Variants in PAWR observed in about 807,000 individuals in gnomAD.
PAWR encodes pro-apoptotic WT1 regulator, also known as PRKC apoptosis WT1 regulator protein.
In PAWR, 23 loss-of-function variants were observed where a neutral mutation model predicts 32.0. The ratio of observed to expected loss-of-function variants is 0.72; its 90% CI spans 0.52 to 1.02. The LOEUF (loss-of-function observed/expected upper bound fraction) is 1.02, where lower values mean the gene tolerates loss of function less well. PAWR is among the 50% of genes least tolerant of loss of function. The pLI is 0.00. For synonymous variants in PAWR, 226 were observed against 187.1 expected, an observed-to-expected ratio of 1.21 and a Z score of -1.70; for missense variants, 457 against 437.7, an observed-to-expected ratio of 1.04 and a Z score of -0.39.
intron 2 of PAWR, among the ~76,000 whole-genome samples, chr12:79,661,174 G>A (rs141683014): frequency 2.0e-5 from 3 of 151,172 alleles, no homozygotes; most frequent in South Asian, 2.1e-4. Flanking sequence ...GCTTGAACCC[G>A]GGAGGCGGAG....
intron 2 of PAWR, chr12:79,632,152 TACA>T (rs1193192086): frequency 5.7e-5 from 7 of 121,976 alleles, no homozygotes; most frequent in African/African-American, 2.4e-4. Flanking sequence ...AAAAAAAAAA[TACA>T]ACAACAACAA....
chr12:79,610,399 A>G (rs1052176148), intron 4 of PAWR, among the ~76,000 whole-genome samples: 2 of 152,236 alleles, frequency 1.3e-5, no homozygotes, highest in Non-Finnish European at 2.9e-5. Context: ...CAAGCATTAT[A>G]GCAGAATTGA....
At chr12:79,680,327 C>G (rs1878379784) in intron 2 of PAWR, among the ~76,000 whole-genome samples, 1 of 152,202 alleles carries the variant, frequency 6.6e-6, no homozygotes, top group Non-Finnish European at 1.5e-5. Flanking sequence ...TGGTGTAACA[C>G]TCTCACTCCA....
chr12:79,597,883 T>C (rs1873821177), intron 4 of PAWR: 1 of 152,194 alleles, frequency 6.6e-6, no homozygotes, highest in Non-Finnish European at 1.5e-5. Flanking sequence ...GTGATTATGA[T>C]TCGGGGCTTC....
At chr12:79,645,036 CCACACA>C (rs60664351) in intron 2 of PAWR, among the ~76,000 whole-genome samples, 128 of 119,998 alleles carry the variant, frequency 1.1e-3, no homozygotes, top group East Asian at 4.7e-4. Flanking sequence ...TCCACCCCCA[CCACACA>C]CACACACACA....
intron 2 of PAWR, among the ~76,000 whole-genome samples, chr12:79,665,509 G>GT (rs1250714295): frequency 2.6e-5 from 4 of 151,936 alleles, no homozygotes; most frequent in African/African-American, 7.3e-5. Context: ...TAAAAATTCC[G>GT]TAAGTCAATT....
At position 79,628,193 on chromosome 12, in the gene PAWR, G is replaced by A. The variant is rs375274965; in HGVS notation, c.517-6986C>T. Among the ~76,000 whole-genome samples, 12 of 152,242 alleles carry A rather than the reference G, an allele frequency of 7.9e-5. No individual in the cohort carries two copies. The South Asian group carries it at 2.1e-3, about 26-fold the overall frequency. On this transcript the variant is annotated intron_variant, in intron 2 of 6. Transcript: ENST00000328827. Reference sequence around the variant, plus strand: ...CAACTACATGGAAACTGAACAACCTGCTCCTGAATGACTACTGGGTACATA... The same window carrying A: ...CAACTACATGGAAACTGAACAACCTACTCCTGAATGACTACTGGGTACATA...
At chr12:79,673,365 G>A (rs549897407) in intron 2 of PAWR, among the ~76,000 whole-genome samples, 12 of 152,270 alleles carry the variant, frequency 7.9e-5, no homozygotes, top group Non-Finnish European at 1.3e-4. Context: ...CACCGCGCCC[G>A]GCCCTAAATT....
intron 2 of PAWR, among the ~76,000 whole-genome samples, chr12:79,683,535 G>C (rs1878540968): frequency 6.6e-6 from 1 of 151,788 alleles, no homozygotes; most frequent in African/African-American, 2.4e-5. Context: ...GGTAGAGATG[G>C]TCCCCCCAGA....
intron 2 of PAWR, among the ~76,000 whole-genome samples, chr12:79,627,760 A>G (rs1392099686): frequency 2.0e-5 from 3 of 152,206 alleles, no homozygotes; most frequent in Non-Finnish European, 4.4e-5. Flanking sequence ...AGAGCTAACT[A>G]TCCTAAATAT....
intron 4 of PAWR, among the ~76,000 whole-genome samples, chr12:79,603,153 G>T (rs1014331993): frequency 6.6e-6 from 1 of 152,022 alleles, no homozygotes; most frequent in African/African-American, 2.4e-5. Flanking sequence ...GACTTGGGAG[G>T]CTGTGGTAGG....
intron 2 of PAWR, among the ~76,000 whole-genome samples, chr12:79,651,908 C>A (rs1012794799): frequency 6.6e-6 from 1 of 152,138 alleles, no homozygotes; most frequent in Non-Finnish European, 1.5e-5. Flanking sequence ...TAATGGAATA[C>A]TATTCAGCCT....
intron 2 of PAWR, among the ~76,000 whole-genome samples, chr12:79,642,442 G>T (rs1353661700): frequency 2.0e-5 from 3 of 152,180 alleles, no homozygotes; most frequent in African/African-American, 7.2e-5. Flanking sequence ...TTACATCACA[G>T]AATTTTATTT....
rs1165816694 is a variant in PAWR, at chr12:79,690,126, G to C, written c.119C>G (p.Ala40Gly). Residue 40 changes from alanine to glycine, a missense_variant, in exon 2 of 7, where the codon GCC (alanine) becomes GGC (glycine). By Grantham distance (60) the Ala-to-Gly change is moderately conservative. Coordinates refer to ENST00000328827, the MANE Select transcript of PAWR (RefSeq NM_002583.4). The part of the protein sequence containing the change: ...MRAKQNPPGP[A>G]PPGGGSSDAA... ...GTCGCTGCTGCCCCCTCCCGGGGGGGCCGGGCCCGGGGGGTTCTGCTTGGC... is the reference window on the plus strand; with the variant it reads ...GTCGCTGCTGCCCCCTCCCGGGGGGCCCGGGCCCGGGGGGTTCTGCTTGGC... The C allele has an allele frequency of 6.6e-7, 1 of 1,504,620 alleles. No homozygotes were observed. The highest frequency in any genetic ancestry group is 8.9e-7 in the Non-Finnish European group (1 of 1,129,634). 93.2% of individuals were successfully genotyped at this position (1,504,620 alleles called of 1,614,324 possible).
chr12:79,641,623 C>T (rs942076364), intron 2 of PAWR, among the ~76,000 whole-genome samples: 1 of 151,826 alleles, frequency 6.6e-6, no homozygotes, highest in African/African-American at 2.4e-5. Flanking sequence ...CCGAGGTGGG[C>T]GGATCACGAG....
chr12:79,659,643 C>G (rs756335872), intron 2 of PAWR, among the ~76,000 whole-genome samples: 3 of 152,084 alleles, frequency 2.0e-5, no homozygotes, highest in African/African-American at 4.8e-5. Flanking sequence ...TACAGTTATT[C>G]AGATTATTTA....
intron 2 of PAWR, among the ~76,000 whole-genome samples, chr12:79,633,311 C>T (rs1407630641): frequency 6.6e-6 from 1 of 151,730 alleles, no homozygotes; most frequent in Non-Finnish European, 1.5e-5. Context: ...ATTAAAAAAA[C>T]AACCCAATTA....
intron 2 of PAWR, among the ~76,000 whole-genome samples, chr12:79,685,215 C>T (rs1406617629): frequency 1.3e-5 from 2 of 152,056 alleles, no homozygotes; most frequent in Non-Finnish European, 2.9e-5. Context: ...GGCTAATAGC[C>T]CAGGTTTTAC....
intron 4 of PAWR, among the ~76,000 whole-genome samples, chr12:79,605,300 G>T (rs1469407182): frequency 6.6e-6 from 1 of 151,974 alleles, no homozygotes; most frequent in African/African-American, 2.4e-5. Flanking sequence ...ATCCTAAAGA[G>T]ATCAAATATA....
Sources: allele counts gnomAD v4.1 joint callset (sites outside exome capture counted in the v4.1 genomes callset), GRCh38; gene constraint gnomAD v4.1.1; transcripts MANE v1.5; gene names NCBI Gene and HGNC (gene_info 2026-07-23, HGNC 2026-07-21).